Variants in FLNA observed in about 807,000 individuals in gnomAD.
FLNA encodes the protein filamin-A.
Under a neutral mutation model 157.6 loss-of-function variants are expected in FLNA, and 7 were observed. The ratio of observed to expected loss-of-function variants is 0.04; its 90% CI spans 0.03 to 0.08. The LOEUF (loss-of-function observed/expected upper bound fraction) is 0.08. Ranked by LOEUF, FLNA falls within the 10% of genes least tolerant of loss-of-function variation. FLNA has a pLI of 1.00. For missense variants in FLNA, 1,750 were observed against 2,398.4 expected (o/e 0.73, Z 5.65); for synonymous variants, 1,103 against 1,060.8 (o/e 1.04, Z -0.77).
chrX:154,354,153 GGGATGTGCATGTTGTCATAGC>G lies in FLNA; in HGVS notation c.5534_5554del (p.Arg1845_Ile1851del), dbSNP rs2148106442. On this transcript the variant is annotated inframe_deletion, in exon 34 of 48. Coordinates refer to ENST00000369850, the MANE Select transcript of FLNA (RefSeq NM_001110556.2). ...GGGCAGAGGCAGGGCAGGCCCACCT[GGGATGTGCATGTTGTCATAGC>G]GGATGTCCATCTCGTGCAGGCCAGC... The G allele has an allele frequency of 3.3e-6, 4 of 1,211,894 alleles. No individual in the cohort carries two copies. Among genetic ancestry groups the G allele is most frequent in the Non-Finnish European group, 4.5e-6 (4 of 895,606 alleles).
chrX:154,362,792 G>A lies in FLNA; in HGVS notation c.2281-8C>T, dbSNP rs2067723624. The A allele has an allele frequency of 8.4e-7, 1 of 1,194,931 alleles. No individual in the cohort carries two copies. Among genetic ancestry groups the A allele is most frequent in the African/African-American group, 1.7e-5 (1 of 57,491 alleles). Reference sequence around the variant, plus strand: ...GCCAGCTCCCACATTCACCTGCAGGGCACAGGGGCAAGGGCAAGGGCATGA... The same window carrying A: ...GCCAGCTCCCACATTCACCTGCAGGACACAGGGGCAAGGGCAAGGGCATGA... On this transcript the variant is annotated splice_polypyrimidine_tract_variant and splice_region_variant and intron_variant, in intron 15 of 47. Transcript: ENST00000369850.
chrX:154,357,122 G>A, intron 30 of FLNA, 129 bp downstream of exon 30: 1 of 661,380 alleles, frequency 1.5e-6, no homozygotes, highest in Non-Finnish European at 2.3e-6. Flanking sequence ...CTCATCTTCT[G>A]CACCCCACCC....
chrX:154,366,251 C>G (rs1198198808), intron 8 of FLNA, 27 bp from the exon 9 acceptor site: 1 of 1,209,577 alleles, frequency 8.3e-7, no homozygotes, highest in East Asian at 3.0e-5. Flanking sequence ...GCTCAGCTCC[C>G]AGGCCCCAGT....
chrX:154,349,354 T>C lies in FLNA; in HGVS notation c.7756+8A>G, dbSNP rs201663443. ...TGGGAAGGTGGGCCGGGGGCCCAGGTTGCCCACCTGCTTTGCTGCAGTCTA... is the reference window on the plus strand; with the variant it reads ...TGGGAAGGTGGGCCGGGGGCCCAGGCTGCCCACCTGCTTTGCTGCAGTCTA... On this transcript the variant is annotated splice_region_variant and intron_variant, in intron 47 of 47. Transcript: ENST00000369850. 938 of 1,206,735 alleles carry C rather than the reference T, an allele frequency of 7.8e-4. 1 individual carries two copies. The highest frequency in any genetic ancestry group is 9.0e-4 in the Non-Finnish European group (799 of 891,604).
In FLNA at chrX:154,371,009, C is replaced by T; in HGVS notation, c.237G>A (p.Ala79=). ...TCTTCTGGCTGAGCACCTCCAACAG[C>T]GCGATAAGCCGCAGCCCGTCGCTCA... The part of the protein sequence containing the change: ...TDLSDGLRLI[A]LLEVLSQKKM... Residue 79 remains alanine (A), a synonymous_variant, in exon 2 of 48, where the codon GCG becomes GCA. Coordinates refer to ENST00000369850, the MANE Select transcript of FLNA (RefSeq NM_001110556.2). 1.7e-6 allele frequency: 2 copies of T among 1,209,039 alleles called. No individual in the cohort carries two copies. Among genetic ancestry groups the T allele is most frequent in the Non-Finnish European group, 2.2e-6 (2 of 894,077 alleles).
chrX:154,359,417 C>A lies in FLNA; in HGVS notation c.4143-11G>T. 8.3e-7 allele frequency: 1 copy of A among 1,211,792 alleles called. No homozygotes were observed. ...CCCGTGCCAGCTCCCCTGGTCCAAA[C>A]AGACAGCCGGTCATTCCTGGGGTTC... On this transcript the variant is annotated splice_polypyrimidine_tract_variant and intron_variant, in intron 24 of 47. Transcript: ENST00000369850.
intron 19 of FLNA, 80 bp downstream of exon 19, chrX:154,361,899 G>GA (rs2067714277): frequency 8.8e-7 from 1 of 1,139,170 alleles, no homozygotes; most frequent in African/African-American, 1.8e-5. Context: ...AGAGTGGGCA[G>GA]AAAGTCCCTC....
chrX:154,351,982 C>G lies in FLNA; in HGVS notation c.6809G>C (p.Gly2270Ala). ...SIWTREAGAG[G>A]LAIAVEGPSK... ...GGGGCCCTCGACAGCAATGGCCAGG[C>G]CTCCAGCACCAGCTTCCCGGGTCCA... Residue 2270 changes from glycine (G) to alanine (A), a missense_variant, in exon 42 of 48, where the codon GGC becomes GCC. By Grantham distance (60) the Gly-to-Ala change is moderately conservative. Transcript: ENST00000369850. 4 of 1,211,637 alleles carry G rather than the reference C, an allele frequency of 3.3e-6. No individual in the cohort carries two copies. Among genetic ancestry groups the G allele is most frequent in the Non-Finnish European group, 3.4e-6 (3 of 895,385 alleles).
Position 154,354,987 on chromosome X carries a change from C to T in FLNA, c.5055G>A (p.Thr1685=), listed in dbSNP as rs372863999. 111 of 1,211,318 alleles carry T rather than the reference C, an allele frequency of 9.2e-5. No individual in the cohort carries two copies. In the African/African-American group the frequency reaches 1.3e-3, roughly 15 times the overall value. ...AGCCATCAGGCGTGCACACGGTGCACGTCACTTTGCCTTTGCCTGCCGCCT... is the reference window on the plus strand; with the variant it reads ...AGCCATCAGGCGTGCACACGGTGCATGTCACTTTGCCTTTGCCTGCCGCCT... ...DTKAAGKGKV[T]CTVCTPDGSE... Residue 1685 remains threonine (T), a synonymous_variant, in exon 31 of 48, where the codon ACG becomes ACA. Transcript: ENST00000369850.
rs1557177520 is a variant in FLNA, at chrX:154,359,550, C to T, written c.4076G>A (p.Arg1359His). The change falls in exon 24 of 48, where the codon CGT (arginine) becomes CAT (histidine). Residue 1359 changes from arginine to histidine, a missense_variant. By Grantham distance (29) the Arg-to-His change is conservative. Coordinates refer to ENST00000369850, the MANE Select transcript of FLNA (RefSeq NM_001110556.2). Reference sequence around the variant, plus strand: ...ACTTTGGATGCCTGGCCCGTGGACACGCACCCGGGAGGGGTCGCAGCCCTC... The same window carrying T: ...ACTTTGGATGCCTGGCCCGTGGACATGCACCCGGGAGGGGTCGCAGCCCTC... ...VTEGCDPSRV[R>H]VHGPGIQSGT... The T allele has an allele frequency of 3.3e-6, 4 of 1,209,396 alleles. No homozygotes were observed. The highest frequency in any genetic ancestry group is 3.0e-5 in the East Asian group (1 of 33,748).
At chrX:154,349,609 G>A (rs375433852) in intron 46 of FLNA, 40 bp downstream of exon 46, 50 of 1,208,419 alleles carry the variant, frequency 4.1e-5, no homozygotes, top group Admixed American at 3.0e-4. Flanking sequence ...CTGTGGTGCC[G>A]GGCGTTGGGC....
rs1557177321 is a variant in FLNA at position 154,358,558 on chromosome X, C to T, written c.4485G>A (p.Glu1495=). 2.5e-6 allele frequency: 3 copies of T among 1,210,263 alleles called. No individual in the cohort carries two copies. The highest frequency in any genetic ancestry group is 3.5e-5 in the African/African-American group (2 of 57,792). ...VKVQGPKGLV[E]PVDVVDNADG... ...CAGCGTTGTCTACCACGTCCACTGG[C>T]TCCACCAGGCCTGGCCCCAGCCCCA... The change falls in exon 27 of 48, where the codon GAG becomes GAA. Residue 1495 remains glutamate, a synonymous_variant. Transcript: ENST00000369850.
chrX:154,363,159 G>A (rs1253786292), intron 15 of FLNA, among the ~76,000 whole-genome samples: 1 of 112,537 alleles, frequency 8.9e-6, no homozygotes, highest in Non-Finnish European at 1.9e-5. Context: ...GCTCATGCCT[G>A]TAATCCCAGC....
intron 13 of FLNA, 61 bp from the exon 14 acceptor site, chrX:154,364,433 G>C: frequency 8.4e-7 from 1 of 1,187,280 alleles, no homozygotes; most frequent in Non-Finnish European, 1.1e-6. Flanking sequence ...CTACAACCCA[G>C]GCAGGGTGGC....
Position 154,360,180 on chromosome X carries a change from G to A in FLNA, c.3615C>T (p.Ala1205=), listed in dbSNP as rs1557177719. 3.3e-6 allele frequency: 4 copies of A among 1,209,860 alleles called. No homozygotes were observed. The highest frequency in any genetic ancestry group is 2.2e-5 in the Admixed American group (1 of 46,146). ...IEICSEAGLP[A]EVYIQDHGDG... ...CACCGTGGTCCTGGATGTACACCTC[G>A]GCCGGAAGCCCCGCCTCCGAGCAGA... Residue 1205 remains alanine (A), a synonymous_variant, in exon 22 of 48, where the codon GCC becomes GCT. Coordinates refer to ENST00000369850, the MANE Select transcript of FLNA (RefSeq NM_001110556.2).
chrX:154,370,001 T>C (rs191623046), intron 2 of FLNA, among the ~76,000 whole-genome samples: 84 of 111,587 alleles, frequency 7.5e-4, no homozygotes, highest in South Asian at 4.5e-3. Context: ...GAGTCACCCA[T>C]TCTGGGGCCT....
At position 154,352,380 on chromosome X, in the gene FLNA, G is replaced by T; in HGVS notation, c.6570C>A (p.Ile2190=). The T allele has an allele frequency of 8.3e-7, 1 of 1,211,958 alleles. No individual in the cohort carries two copies. Among genetic ancestry groups the T allele is most frequent in the Non-Finnish European group, 1.1e-6 (1 of 895,525 alleles). The stretch of plus-strand genomic sequence containing the variant: ...AGTAGGTGTGGTTCTCCCCTTCCAC[G>T]ATCTCGGCCTCATGGGTCTTGCCCG... The part of the protein sequence containing the change: ...SPSGKTHEAE[I]VEGENHTYCI... Residue 2190 remains isoleucine (I), a synonymous_variant, in exon 41 of 48, where the codon ATC becomes ATA. Transcript: ENST00000369850.
At chrX:154,361,817 T>C (rs782248866) in intron 19 of FLNA, 30 bp from the exon 20 acceptor site, 3 of 1,136,601 alleles carry the variant, frequency 2.6e-6, no homozygotes, top group Non-Finnish European at 2.4e-6. Context: ...GAAGGGGGTA[T>C]TTAGAGACAC....
Position 154,348,770 on chromosome X carries a change from C to A in FLNA, c.*79G>T. ...GGCGGGCGGCCAGGGCGGCCTGGGC[C>A]GGGGTTGAGGGGAAGAGGGCGGGGC... On this transcript the variant is annotated 3_prime_UTR_variant, in exon 48 of 48. Coordinates refer to ENST00000369850, the MANE Select transcript of FLNA (RefSeq NM_001110556.2). The A allele has an allele frequency of 2.0e-6, 2 of 993,594 alleles. No individual in the cohort carries two copies. Among genetic ancestry groups the A allele is most frequent in the Non-Finnish European group, 2.7e-6 (2 of 728,919 alleles). The allele number at this position is 993,594 out of a possible 1,213,427, so 81.9% of individuals were successfully genotyped here.
Sources: allele counts gnomAD v4.1 joint callset (sites outside exome capture counted in the v4.1 genomes callset), GRCh38; gene constraint gnomAD v4.1.1; transcripts MANE v1.5; gene names NCBI Gene and HGNC (gene_info 2026-07-23, HGNC 2026-07-21).